The following SPECC1 variants were observed in gnomAD, a reference collection of about 807,000 sequenced individuals.
SPECC1 encodes the protein cytospin-B.
A neutral mutation model predicts 104.1 loss-of-function variants in SPECC1; 62 were observed. That is an observed-to-expected ratio of 0.60 (90% confidence interval 0.49 to 0.74). The LOEUF (loss-of-function observed/expected upper bound fraction) is 0.74. Among genes scored for constraint, SPECC1 ranks in the 30% least tolerant of loss-of-function variants. The probability of loss-of-function intolerance (pLI) is 0.00; values close to 1 mark genes in which losing one functional copy is unlikely to be tolerated. For synonymous variants in SPECC1, 513 were observed against 501.6 expected, an observed-to-expected ratio of 1.02 and a Z score of -0.30; for missense variants, 1,306 against 1,310.5, an observed-to-expected ratio of 1.00 and a Z score of 0.05.
At chr17:20,278,892 G>T (rs1461305922) in intron 12 of SPECC1, among the ~76,000 whole-genome samples, 1 of 152,162 alleles carries the variant, frequency 6.6e-6, no homozygotes, top group Non-Finnish European at 1.5e-5. Flanking sequence ...AAAATAAAAT[G>T]TTATAAGAAT....
chr17:20,126,332 CT>C (rs1246400240), intron 3 of SPECC1: 1 of 150,760 alleles, frequency 6.6e-6, no homozygotes, highest in African/African-American at 2.4e-5. Context: ...TTGTTTTATA[CT>C]TTTATTCCTA....
At chr17:20,165,701 G>C (rs1390305866) in intron 3 of SPECC1, among the ~76,000 whole-genome samples, 1 of 152,176 alleles carries the variant, frequency 6.6e-6, no homozygotes, top group Non-Finnish European at 1.5e-5. Flanking sequence ...AGCCTCACCA[G>C]CGTCTGTTGT....
intron 12 of SPECC1, among the ~76,000 whole-genome samples, chr17:20,277,390 CT>C (rs913852831): frequency 4.0e-5 from 6 of 151,692 alleles, no homozygotes; most frequent in African/African-American, 1.5e-4. Context: ...ACTTTTTAAA[CT>C]TTTTTTTTAA....
At chr17:20,094,440 C>G (rs2152503265) in intron 1 of SPECC1, among the ~76,000 whole-genome samples, 1 of 152,238 alleles carries the variant, frequency 6.6e-6, no homozygotes, top group Non-Finnish European at 1.5e-5. Context: ...TCCTTCTTTT[C>G]TTTAACCAAG....
At chr17:20,239,878 GTTTTTTTTTTTTTTTTT>G (rs60216339) in intron 7 of SPECC1, among the ~76,000 whole-genome samples, 8 of 36,912 alleles carry the variant, frequency 2.2e-4, no homozygotes, top group Non-Finnish European at 2.6e-4. Flanking sequence ...ATTTCGCTGA[GTTTTTTTTTTTTTTTTT>G]TTTTTTTTTT....
rs976554229 is a variant in SPECC1, at chr17:20,241,606, C to G, written c.2352-4320C>G. Among the ~76,000 whole-genome samples the G allele has an allele frequency of 5.3e-5, 8 of 152,306 alleles. No individual in the cohort carries two copies. In the East Asian group the frequency reaches 1.5e-3, roughly 29 times the overall value. ...CAGAATCTAAGCCACGTCAATGATA[C>G]TCGACTACAGGACTTTTACTATTTG... On this transcript the variant is annotated intron_variant, in intron 7 of 14. Coordinates refer to ENST00000395527, the MANE Select transcript of SPECC1 (RefSeq NM_001243439.2).
rs1271868630 is a variant in SPECC1 at position 20,205,699 on chromosome 17, G to A, written c.1650G>A (p.Glu550=). 6.2e-7 allele frequency: 1 copy of A among 1,614,218 alleles called. No individual in the cohort carries two copies. The part of the protein sequence containing the change: ...CRVTLEGLKM[E]NGSLKSHLQG... ...TTACCTTGGAAGGGCTAAAAATGGA[G>A]AATGGATCTTTGAAGTCTCATTTGC... The change falls in exon 4 of 15, where the codon GAG becomes GAA. Residue 550 remains glutamate (E), a synonymous_variant. Transcript: ENST00000395527.
At chr17:20,245,617 T>A (rs1013949004) in intron 7 of SPECC1, among the ~76,000 whole-genome samples, 1 of 152,130 alleles carries the variant, frequency 6.6e-6, no homozygotes, top group Non-Finnish European at 1.5e-5. Flanking sequence ...TTGCATTTTT[T>A]CACAAAAAAT....
At chr17:20,094,025 G>A (rs1445478456) in intron 1 of SPECC1, among the ~76,000 whole-genome samples, 1 of 151,956 alleles carries the variant, frequency 6.6e-6, no homozygotes, top group Non-Finnish European at 1.5e-5. Context: ...GCCACTCCCA[G>A]CCTATATTGT....
chr17:20,214,540 C>G (rs1396913603), intron 4 of SPECC1, among the ~76,000 whole-genome samples: 3 of 152,142 alleles, frequency 2.0e-5, no homozygotes, highest in African/African-American at 7.2e-5. Flanking sequence ...CGGAGTCTTG[C>G]TCTGTTATCC....
At chr17:20,139,440 A>C (rs1038245656) in intron 3 of SPECC1, among the ~76,000 whole-genome samples, 15 of 152,176 alleles carry the variant, frequency 9.9e-5, no homozygotes, top group Non-Finnish European at 1.9e-4. Flanking sequence ...TAACGACAAC[A>C]AAAAAAGTCC....
At chr17:20,079,802 TGGCTGCGAAGCTGCCATTGGG>T (rs1030304245) in intron 1 of SPECC1, among the ~76,000 whole-genome samples, 1 of 152,108 alleles carries the variant, frequency 6.6e-6, no homozygotes, top group Non-Finnish European at 1.5e-5. Flanking sequence ...ACTGTGATGG[TGGCTGCGAAGCTGCCATTGGG>T]GGCTGTGGTG....
chr17:20,222,693 A>T (rs553286832), intron 4 of SPECC1, among the ~76,000 whole-genome samples: 17 of 152,216 alleles, frequency 1.1e-4, no homozygotes, highest in Non-Finnish European at 2.1e-4. Flanking sequence ...TTGTCTGTGT[A>T]CTTGCTGTTA....
At chr17:20,275,623 A>T (rs1285690706) in intron 12 of SPECC1, among the ~76,000 whole-genome samples, 1 of 152,244 alleles carries the variant, frequency 6.6e-6, no homozygotes, top group South Asian at 2.1e-4. Context: ...TGTGAAAAGT[A>T]TAAGAGTGAA....
chr17:20,199,099 T>A (rs576832845), intron 3 of SPECC1, among the ~76,000 whole-genome samples: 57 of 147,106 alleles, frequency 3.9e-4, no homozygotes, highest in Non-Finnish European at 6.3e-4. Flanking sequence ...TTTTTTTTTT[T>A]TTTTTGAAAC....
At chr17:20,264,424 T>A (rs1046805576) in intron 12 of SPECC1, among the ~76,000 whole-genome samples, 2 of 151,606 alleles carry the variant, frequency 1.3e-5, no homozygotes, top group Non-Finnish European at 2.9e-5. Flanking sequence ...CAGTATCTAT[T>A]GTTGCCATCC....
chr17:20,209,499 T>G (rs967211751), intron 4 of SPECC1, among the ~76,000 whole-genome samples: 9 of 152,210 alleles, frequency 5.9e-5, no homozygotes, highest in Non-Finnish European at 8.8e-5. Context: ...GGTGTCTTCC[T>G]CAAACAATAA....
At chr17:20,036,839 C>T (rs925362276) in intron 1 of SPECC1, among the ~76,000 whole-genome samples, 2 of 152,128 alleles carry the variant, frequency 1.3e-5, no homozygotes, top group African/African-American at 2.4e-5. Context: ...AACTTCAGGG[C>T]TATGTTAAAT....
rs1327988966 is a variant in SPECC1 at position 20,314,220 on chromosome 17, CAG to C, written c.*158_*159del. 7 of 652,742 alleles carry C rather than the reference CAG, an allele frequency of 1.1e-5. No homozygotes were observed. The highest frequency in any genetic ancestry group is 1.8e-5 in the South Asian group (1 of 57,112). The allele number at this position is 652,742 out of a possible 1,614,324, so 40.4% of individuals were successfully genotyped here. On this transcript the variant is annotated 3_prime_UTR_variant, in exon 15 of 15. Coordinates refer to ENST00000395527, the MANE Select transcript of SPECC1 (RefSeq NM_001243439.2). ...AGTGGACCAACACCCAAATAAGAAACAGAGTGGGTCCCACGATGTACCTGTCT... is the reference window on the plus strand; with the variant it reads ...AGTGGACCAACACCCAAATAAGAAACAGTGGGTCCCACGATGTACCTGTCT...
Sources: allele counts gnomAD v4.1 joint callset (sites outside exome capture counted in the v4.1 genomes callset), GRCh38; gene constraint gnomAD v4.1.1; transcripts MANE v1.5; gene names NCBI Gene and HGNC (gene_info 2026-07-23, HGNC 2026-07-21).